NLGN3: variants seen among roughly 807,000 people sequenced by gnomAD.
NLGN3 encodes neuroligin 3, also known as neuroligin-3.
In NLGN3, 11 loss-of-function variants were observed where a neutral mutation model predicts 42.9. The ratio of observed to expected loss-of-function variants is 0.26; its 90% CI spans 0.16 to 0.42. NLGN3 has a LOEUF of 0.42. Among genes scored for constraint, NLGN3 ranks in the 10% least tolerant of loss-of-function variants. NLGN3 has a pLI of 1.00. For synonymous variants in NLGN3, 279 were observed against 312.7 expected (o/e 0.89, Z 1.14); for missense variants, 374 against 733.8 (o/e 0.51, Z 5.67).
rs912899237 is a variant in NLGN3, at chrX:71,159,426, G to A, written c.727+4063G>A. On this transcript the variant is annotated intron_variant, in intron 5 of 7. Transcript: ENST00000358741. ...TCCATGAAAGTCAGGTTAAGAACTC[G>A]CACTTGACAGCCCCGTCATTTGGAT... Among the ~76,000 whole-genome samples, 3 of 112,206 alleles carry A rather than the reference G, an allele frequency of 2.7e-5. No individual in the cohort carries two copies. The East Asian group carries it at 8.3e-4, about 31-fold the overall frequency.
chrX:71,155,332 C>T lies in NLGN3; in HGVS notation c.696C>T (p.Val232=). 4 of 1,212,355 alleles carry T rather than the reference C, an allele frequency of 3.3e-6. No individual in the cohort carries two copies. Among genetic ancestry groups the T allele is most frequent in the Non-Finnish European group, 4.5e-6 (4 of 895,600 alleles). ...TCGCCAGTTATGGCAATGTCATCGTCATCACCCTCAACTATCGGGTTGGAG... is the reference window on the plus strand; with the variant it reads ...TCGCCAGTTATGGCAATGTCATCGTTATCACCCTCAACTATCGGGTTGGAG... The part of the protein sequence containing the change: ...SILASYGNVI[V]ITLNYRVGVL... Residue 232 remains valine (V), a synonymous_variant, in exon 5 of 8, where the codon GTC becomes GTT. Transcript: ENST00000358741.
At position 71,167,765 on chromosome X, in the gene NLGN3, C is replaced by T. The variant is rs770630165; in HGVS notation, c.1668C>T (p.Val556=). The part of the protein sequence containing the change: ...FSKNDVMLSA[V]VMTYWTNFAK... Reference sequence around the variant, plus strand: ...AGAATGATGTTATGCTCAGTGCTGTCGTCATGACCTATTGGACCAACTTTG... The same window carrying T: ...AGAATGATGTTATGCTCAGTGCTGTTGTCATGACCTATTGGACCAACTTTG... The change falls in exon 7 of 8, where the codon GTC becomes GTT. Residue 556 remains valine, a synonymous_variant. Transcript: ENST00000358741. The T allele has an allele frequency of 2.2e-5, 27 of 1,208,979 alleles. No homozygotes were observed. The highest frequency in any genetic ancestry group is 2.3e-4 in the Middle Eastern group (1 of 4,376).
At chrX:71,154,534 G>A (rs2092401792) in intron 4 of NLGN3, among the ~76,000 whole-genome samples, 1 of 112,465 alleles carries the variant, frequency 8.9e-6, no homozygotes, top group Non-Finnish European at 1.9e-5. Context: ...ACTGGGAGCA[G>A]GCTCTGTCAT....
rs1340358867 is a variant in NLGN3, at chrX:71,155,269, C to T, written c.633C>T (p.Tyr211=). The part of the protein sequence containing the change: ...PVMVYIHGGS[Y]MEGTGNMIDG... The stretch of plus-strand genomic sequence containing the variant: ...TGGTCTACATCCACGGAGGCTCTTA[C>T]ATGGAAGGGACAGGCAACATGATTG... The change falls in exon 5 of 8, where the codon TAC becomes TAT. Residue 211 remains tyrosine, a synonymous_variant. Transcript: ENST00000358741. 8.3e-7 allele frequency: 1 copy of T among 1,211,784 alleles called. No homozygotes were observed.
intron 5 of NLGN3, among the ~76,000 whole-genome samples, chrX:71,163,812 T>C (rs760658983): frequency 3.6e-5 from 4 of 111,609 alleles, no homozygotes; most frequent in Non-Finnish European, 5.7e-5. Context: ...TAGGGTAAGG[T>C]CCCCAATAGT....
intron 3 of NLGN3, among the ~76,000 whole-genome samples, chrX:71,149,939 G>A (rs1429920795): frequency 9.0e-6 from 1 of 111,297 alleles, no homozygotes; most frequent in Non-Finnish European, 1.9e-5. Flanking sequence ...CTGGCAAGCT[G>A]GGAGTTTGTT....
At position 71,170,484 on chromosome X, in the gene NLGN3, C is replaced by T. The variant is rs185842785; in HGVS notation, c.*387C>T. On this transcript the variant is annotated 3_prime_UTR_variant, in exon 8 of 8. Coordinates refer to ENST00000358741, the MANE Select transcript of NLGN3 (RefSeq NM_181303.2). ...TCGGCCTCTCTTGGAACTGCACCAC[C>T]GACCAACTCCAGACTTGGGAGCTTT... 8.8e-5 allele frequency: 77 copies of T among 875,578 alleles called. 1 individual carries two copies. The Admixed American group carries it at 1.1e-3, about 13-fold the overall frequency. 72.2% of individuals were successfully genotyped at this position (875,578 alleles called of 1,213,427 possible).
At chrX:71,150,167 T>C (rs922006297) in intron 3 of NLGN3, among the ~76,000 whole-genome samples, 4 of 111,343 alleles carry the variant, frequency 3.6e-5, no homozygotes, top group African/African-American at 1.3e-4. Context: ...ACCCAGGACC[T>C]CACACACCAT....
rs2092466496 is a variant in NLGN3 at position 71,170,158 on chromosome X, CACACACACACACACACACACGCAG to C, written c.*81_*104del. The C allele has an allele frequency of 7.7e-6, 4 of 519,031 alleles. No individual in the cohort carries two copies. The highest frequency in any genetic ancestry group is 7.6e-5 in the East Asian group (1 of 13,198). 42.8% of individuals were successfully genotyped at this position (519,031 alleles called of 1,213,427 possible). On this transcript the variant is annotated 3_prime_UTR_variant, in exon 8 of 8. Transcript: ENST00000358741. ...TCCCTCCCAGATCCAGGAACACATG[CACACACACACACACACACACGCAG>C]ACACACACACACACACACATATATG...
chrX:71,168,343 A>AAC (rs368070199), intron 7 of NLGN3, among the ~76,000 whole-genome samples: 219 of 108,833 alleles, frequency 2.0e-3, no homozygotes, highest in Middle Eastern at 4.8e-3. Context: ...CCTTATCTTA[A>AAC]ACACACACAC....
Position 71,153,556 on chromosome X carries a change from C to T in NLGN3, c.577+20C>T. 2 of 1,187,996 alleles carry T rather than the reference C, an allele frequency of 1.7e-6. No homozygotes were observed. Among genetic ancestry groups the T allele is most frequent in the Non-Finnish European group, 2.3e-6 (2 of 877,740 alleles). ...ATGAAGGTATTTGGGGGCTGCAGGG[C>T]GCGGCGGCTGGTGCATGGCACAGAG... is the stretch of plus-strand genomic sequence containing the variant. On this transcript the variant is annotated intron_variant, in intron 4 of 7. Coordinates refer to ENST00000358741, the MANE Select transcript of NLGN3 (RefSeq NM_181303.2).
intron 5 of NLGN3, among the ~76,000 whole-genome samples, chrX:71,162,443 T>C (rs757306490): frequency 2.4e-4 from 27 of 111,661 alleles, no homozygotes; most frequent in African/African-American, 8.8e-4. Context: ...TTTTTAAGAC[T>C]CAAAGGAGCA....
rs376877146 is a variant in NLGN3, at chrX:71,147,759, C to A, written c.10C>A (p.Arg4=). 15 of 1,203,746 alleles carry A rather than the reference C, an allele frequency of 1.2e-5. No individual in the cohort carries two copies. Among genetic ancestry groups the A allele is most frequent in the Non-Finnish European group, 6.7e-6 (6 of 892,767 alleles). ...TCCCCCTGCCCGGAACATGTGGCTG[C>A]GGCTTGGCCCGCCCTCGCTGTCCCT... is the stretch of plus-strand genomic sequence containing the variant. The part of the protein sequence containing the change: MWL[R]LGPPSLSLSP... Residue 4 remains arginine, a synonymous_variant, in exon 2 of 8, where the codon CGG becomes AGG. Coordinates refer to ENST00000358741, the MANE Select transcript of NLGN3 (RefSeq NM_181303.2).
At chrX:71,155,739 C>T (rs2092406431) in intron 5 of NLGN3, among the ~76,000 whole-genome samples, 1 of 110,851 alleles carries the variant, frequency 9.0e-6, no homozygotes, top group Admixed American at 9.6e-5. Flanking sequence ...CACAGATATT[C>T]CTTCCAGTCC....
intron 5 of NLGN3, among the ~76,000 whole-genome samples, chrX:71,156,621 T>C (rs2092410108): frequency 9.1e-6 from 1 of 110,107 alleles, no homozygotes. Flanking sequence ...TACACATCCG[T>C]GTACATGGGG....
In NLGN3 at chrX:71,170,499, T is replaced by G; in HGVS notation, c.*402T>G. 1.2e-6 allele frequency: 1 copy of G among 858,614 alleles called. No homozygotes were observed. The highest frequency in any genetic ancestry group is 1.4e-6 in the Non-Finnish European group (1 of 704,481). The allele number at this position is 858,614 out of a possible 1,213,427, so 70.8% of individuals were successfully genotyped here. ...ACTGCACCACCGACCAACTCCAGAC[T>G]TGGGAGCTTTAAAGAGCAGGATAGC... On this transcript the variant is annotated 3_prime_UTR_variant, in exon 8 of 8. Transcript: ENST00000358741.
chrX:71,164,079 C>T, intron 5 of NLGN3, 64 bp from the exon 6 acceptor site: 2 of 1,086,279 alleles, frequency 1.8e-6, no homozygotes, highest in Non-Finnish European at 2.5e-6. Flanking sequence ...ACCCTGCCTG[C>T]CGTCATCACC....
rs768382454 is a variant in NLGN3, at chrX:71,169,652, C to G, written c.2102C>G (p.Pro701Arg). The G allele has an allele frequency of 8.3e-7, 1 of 1,212,046 alleles. No homozygotes were observed. Among genetic ancestry groups the G allele is most frequent in the Middle Eastern group, 2.3e-4 (1 of 4,354 alleles). The change falls in exon 8 of 8, where the codon CCT (proline) becomes CGT (arginine). Residue 701 changes from proline (P) to arginine (R), a missense_variant. Pro to Arg is a moderately radical substitution (Grantham distance 103). Coordinates refer to ENST00000358741, the MANE Select transcript of NLGN3 (RefSeq NM_181303.2). ...QDAGPLLVEN[P>R]RDYSTELSVT... ...GCAGGGCCACTCCTGGTGGAGAACC[C>G]TCGTGACTACTCCACTGAATTAAGT...
intron 3 of NLGN3, among the ~76,000 whole-genome samples, chrX:71,151,369 T>C (rs2092390967): frequency 9.1e-6 from 1 of 110,193 alleles, no homozygotes; most frequent in South Asian, 3.8e-4. Flanking sequence ...AATCAGGAAG[T>C]GGGTTCCAGA....
Sources: allele counts gnomAD v4.1 joint callset (sites outside exome capture counted in the v4.1 genomes callset), GRCh38; gene constraint gnomAD v4.1.1; transcripts MANE v1.5; gene names NCBI Gene and HGNC (gene_info 2026-07-23, HGNC 2026-07-21).